Variants in FRMPD4 observed in about 807,000 individuals in gnomAD.
The protein encoded by FRMPD4 is FERM and PDZ domain-containing protein 4.
FRMPD4 carries 22 observed loss-of-function variants against 94.1 expected under a neutral mutation model. The ratio of observed to expected loss-of-function variants is 0.23; its 90% CI spans 0.17 to 0.33. The LOEUF (loss-of-function observed/expected upper bound fraction) is 0.33, where lower values mean the gene tolerates loss of function less well. Ranked by LOEUF, FRMPD4 falls within the 10% of genes least tolerant of loss-of-function variation. FRMPD4 has a pLI of 1.00. For missense variants in FRMPD4, 1,111 were observed against 1,339.9 expected (o/e 0.83, Z 2.67); for synonymous variants, 631 against 548.6 (o/e 1.15, Z -2.10).
chrX:12,283,807 A>C (rs1001398152), intron 1 of FRMPD4, among the ~76,000 whole-genome samples: 2 of 111,751 alleles, frequency 1.8e-5, no homozygotes, highest in African/African-American at 6.5e-5. Context: ...ACTCTGAAAA[A>C]TCTCCATTTG....
chrX:12,175,839 C>G (rs1471609882), intron 1 of FRMPD4, among the ~76,000 whole-genome samples: 1 of 111,750 alleles, frequency 8.9e-6, no homozygotes, highest in Non-Finnish European at 1.9e-5. Context: ...ACAAGTCCTT[C>G]AAGTGATTCT....
intron 3 of FRMPD4, among the ~76,000 whole-genome samples, chrX:11,995,497 A>G (rs748265907): frequency 7.2e-5 from 8 of 111,691 alleles, no homozygotes; most frequent in Non-Finnish European, 1.5e-4. Context: ...TTAATCTTCA[A>G]TATTTCAGAC....
In FRMPD4 at chrX:12,376,111, A is replaced by G. The variant is rs1383784922; in HGVS notation, c.42-122569A>G. ...ATGGCCCATGGGAGGCACTCTGGAA[A>G]TGTTTACTGGAATAAATGAATGGAT... is the stretch of plus-strand genomic sequence containing the variant. On this transcript the variant is annotated intron_variant, in intron 1 of 16. Coordinates refer to ENST00000675598, the MANE Select transcript of FRMPD4 (RefSeq NM_001368397.1). 2.7e-5 allele frequency among the ~76,000 whole-genome samples: 3 copies of G among 112,137 alleles called. No individual in the cohort carries two copies. In the Admixed American group the frequency reaches 2.8e-4, roughly 11 times the overall value.
chrX:12,558,482 T>C (rs1261617707), intron 2 of FRMPD4, among the ~76,000 whole-genome samples: 1 of 112,949 alleles, frequency 8.9e-6, no homozygotes, highest in Non-Finnish European at 1.9e-5. Flanking sequence ...AAGGTTACAA[T>C]GAAAACCAGG....
intron 3 of FRMPD4, among the ~76,000 whole-genome samples, chrX:11,980,031 G>T (rs1453220018): frequency 9.0e-6 from 1 of 111,647 alleles, no homozygotes; most frequent in Non-Finnish European, 1.9e-5. Flanking sequence ...GCTCATGCTT[G>T]TGTGTGTATG....
At chrX:11,909,177 G>A (rs181994155) in intron 3 of FRMPD4, among the ~76,000 whole-genome samples, 61 of 111,637 alleles carry the variant, frequency 5.5e-4, no homozygotes, top group African/African-American at 1.9e-3. Context: ...AAAGCCACCT[G>A]GTCTGGAGTT....
At chrX:12,126,207 T>A (rs1300787432) in intron 3 of FRMPD4, among the ~76,000 whole-genome samples, 2 of 112,061 alleles carry the variant, frequency 1.8e-5, no homozygotes, top group Non-Finnish European at 3.8e-5. Context: ...CCACAGCTTG[T>A]CACTAGCCAG....
intron 2 of FRMPD4, chrX:12,583,570 G>A (rs1391150521): frequency 4.1e-6 from 3 of 735,247 alleles, no homozygotes; most frequent in African/African-American, 2.1e-5. Context: ...CGCAAGCCAG[G>A]CCTAACCGCA....
chrX:12,507,236 C>A (rs754045624), intron 2 of FRMPD4, among the ~76,000 whole-genome samples: 1 of 112,356 alleles, frequency 8.9e-6, no homozygotes, highest in East Asian at 2.8e-4. Context: ...AAATACTTTT[C>A]TTCCCCCACC....
At chrX:12,479,446 GTA>G (rs1170405748) in intron 1 of FRMPD4, among the ~76,000 whole-genome samples, 36 of 35,742 alleles carry the variant, frequency 1.0e-3, no homozygotes, top group Non-Finnish European at 1.6e-3. Context: ...ACACATATAT[GTA>G]TATATATGTA....
At chrX:12,209,390 A>G (rs1237413000) in intron 1 of FRMPD4, among the ~76,000 whole-genome samples, 6 of 112,700 alleles carry the variant, frequency 5.3e-5, no homozygotes, top group African/African-American at 1.6e-4. Context: ...TCTTTACTTC[A>G]TAAAAGAAAT....
chrX:12,034,929 G>A (rs771166305), intron 3 of FRMPD4, among the ~76,000 whole-genome samples: 1 of 111,790 alleles, frequency 8.9e-6, no homozygotes, highest in South Asian at 3.8e-4. Context: ...AAAGGTATGC[G>A]GTGGGCTGAC....
chrX:12,293,471 T>C (rs1195873197), intron 1 of FRMPD4, among the ~76,000 whole-genome samples: 1 of 112,833 alleles, frequency 8.9e-6, no homozygotes, highest in African/African-American at 3.2e-5. Flanking sequence ...ATTTAATTTA[T>C]TCTTTGCTTT....
intron 4 of FRMPD4, among the ~76,000 whole-genome samples, chrX:12,659,531 G>A (rs1435087223): frequency 8.9e-6 from 1 of 112,264 alleles, no homozygotes; most frequent in Non-Finnish European, 1.9e-5. Context: ...GCAACTATGG[G>A]TTCTACCCAT....
intron 3 of FRMPD4, among the ~76,000 whole-genome samples, chrX:12,108,597 C>A (rs1210646204): frequency 9.0e-6 from 1 of 111,700 alleles, no homozygotes; most frequent in Non-Finnish European, 1.9e-5. Flanking sequence ...TGTAAATGGG[C>A]TAAATGCTCC....
intron 3 of FRMPD4, among the ~76,000 whole-genome samples, chrX:11,906,459 A>G (rs757363482): frequency 9.0e-6 from 1 of 111,012 alleles, no homozygotes; most frequent in East Asian, 2.8e-4. Context: ...ATTTCCCTCC[A>G]TTTTCAAAGG....
intron 2 of FRMPD4, among the ~76,000 whole-genome samples, chrX:12,592,582 G>T (rs1307891594): frequency 8.9e-6 from 1 of 111,889 alleles, no homozygotes; most frequent in Non-Finnish European, 1.9e-5. Context: ...CACTTAGTGA[G>T]ATGAAAATAT....
rs765025274 is a variant in FRMPD4, at chrX:12,312,817, T to A, written c.41+173805T>A. ...ACCAAGTGCTTTCTTATGGTGGGAT[T>A]CCTCTGCAAATTGACACCATTCCCT... is the stretch of plus-strand genomic sequence containing the variant. On this transcript the variant is annotated intron_variant, in intron 1 of 16. Transcript: ENST00000675598. 3.8e-5 allele frequency among the ~76,000 whole-genome samples: 4 copies of A among 105,142 alleles called. No homozygotes were observed. The East Asian group carries it at 1.3e-3, about 35-fold the overall frequency. 91.3% of individuals were successfully genotyped at this position (105,142 alleles called of 115,157 possible). A position where few individuals can be genotyped will look rare whatever the true frequency, so the allele number is the denominator to read the frequency against.
intron 2 of FRMPD4, among the ~76,000 whole-genome samples, chrX:12,550,738 G>T (rs1391573203): frequency 2.7e-5 from 3 of 110,055 alleles, no homozygotes; most frequent in Non-Finnish European, 3.8e-5. Context: ...TCAATTCATA[G>T]AACATAATCA....
Sources: allele counts gnomAD v4.1 joint callset (sites outside exome capture counted in the v4.1 genomes callset), GRCh38; gene constraint gnomAD v4.1.1; transcripts MANE v1.5; gene names NCBI Gene and HGNC (gene_info 2026-07-23, HGNC 2026-07-21).